Variants in GART observed in about 807,000 individuals in gnomAD.
GART encodes trifunctional purine biosynthetic protein adenosine-3.
A neutral mutation model predicts 107.2 loss-of-function variants in GART; 43 were observed. The observed-to-expected ratio is 0.40, with a 90% CI of 0.31 to 0.52. The LOEUF (loss-of-function observed/expected upper bound fraction) is 0.52, where lower values mean the gene tolerates loss of function less well. Ranked by LOEUF, GART falls within the 20% of genes least tolerant of loss-of-function variation. GART has a pLI of 0.52. For missense variants in GART, 1,107 were observed against 1,206.5 expected (o/e 0.92, Z 1.22); for synonymous variants, 434 against 427.0 (o/e 1.02, Z -0.20).
In GART at chr21:33,517,568, T is replaced by C. The variant is rs2084901467; in HGVS notation, c.1743A>G (p.Gly581=). 3 of 1,614,080 alleles carry C rather than the reference T, an allele frequency of 1.9e-6. No homozygotes were observed. The highest frequency in any genetic ancestry group is 1.7e-5 in the Admixed American group (1 of 59,996). The change falls in exon 15 of 22, where the codon GGA becomes GGG. Residue 581 remains glycine (G), a synonymous_variant. Coordinates refer to ENST00000381815, the MANE Select transcript of GART (RefSeq NM_000819.5). ...CGGCAAACCCAGCTAGGTCATACTC[T>C]CCAGGGGGATACATGTCAGGCATTT... The part of the protein sequence containing the change: ...TAEMPDMYPP[G]EYDLAGFAVG...
At chr21:33,517,178 TGAATA>T in intron 15 of GART, 37 bp from the exon 16 acceptor site, 1 of 1,579,910 alleles carries the variant, frequency 6.3e-7, no homozygotes, top group Non-Finnish European at 8.6e-7. Flanking sequence ...ACTTAGCCTA[TGAATA>T]GAAAACCAAA....
intron 2 of GART, among the ~76,000 whole-genome samples, chr21:33,537,894 G>A (rs978970761): frequency 6.6e-6 from 1 of 152,150 alleles, no homozygotes; most frequent in African/African-American, 2.4e-5. Context: ...TGAAGCCACT[G>A]ACAAGCTTAA....
chr21:33,530,955 A>G, intron 6 of GART, 71 bp from the exon 7 acceptor site: 1 of 1,394,028 alleles, frequency 7.2e-7, no homozygotes, highest in Non-Finnish European at 9.5e-7. Flanking sequence ...AGTGAGGCAA[A>G]CTATATGTCC....
intron 20 of GART, among the ~76,000 whole-genome samples, chr21:33,504,811 G>C (rs533272399): frequency 6.6e-6 from 1 of 152,162 alleles, no homozygotes; most frequent in Admixed American, 6.6e-5. Context: ...CCAGCTTGTT[G>C]CTGGCACGTA....
intron 4 of GART, among the ~76,000 whole-genome samples, chr21:33,533,178 G>A (rs910051439): frequency 3.3e-5 from 5 of 152,090 alleles, no homozygotes; most frequent in African/African-American, 4.8e-5. Context: ...GGTGGCTCAC[G>A]CCTGTAATCC....
chr21:33,530,405 A>T (rs777533933), intron 7 of GART, among the ~76,000 whole-genome samples: 1 of 152,142 alleles, frequency 6.6e-6, no homozygotes, highest in Non-Finnish European at 1.5e-5. Flanking sequence ...TATCACACAC[A>T]CACACAGATA....
chr21:33,531,141 C>A (rs2085180362), intron 6 of GART: 2 of 388,044 alleles, frequency 5.2e-6, no homozygotes, highest in Non-Finnish European at 8.9e-6. Flanking sequence ...AAGATTTCAA[C>A]CTTTCCCCCA....
At position 33,520,541 on chromosome 21, in the gene GART, G is replaced by A; in HGVS notation, c.1525C>T (p.His509Tyr). Reference protein sequence around the residue: ...KLKIAQLCNKHDTIGQDLVAM... With the variant: ...KLKIAQLCNKYDTIGQDLVAM... ...ACCAAATCTTGACCAATGGTATCAT[G>A]TTTATTGCATAGCTGGGCAATCTAT... is the stretch of plus-strand genomic sequence containing the variant. Residue 509 changes from histidine to tyrosine, a missense_variant, in exon 14 of 22, where the codon CAT (histidine) becomes TAT (tyrosine). Physicochemically the swap from His to Tyr is moderately conservative, Grantham distance 83. Coordinates refer to ENST00000381815, the MANE Select transcript of GART (RefSeq NM_000819.5). The A allele has an allele frequency of 1.2e-6, 2 of 1,614,072 alleles. No homozygotes were observed. Among genetic ancestry groups the A allele is most frequent in the Non-Finnish European group, 1.7e-6 (2 of 1,179,964 alleles).
At chr21:33,511,587 T>C (rs1330399953) in intron 16 of GART, 129 bp from the exon 17 acceptor site, 2 of 961,392 alleles carry the variant, frequency 2.1e-6, no homozygotes, top group Non-Finnish European at 3.1e-6. Flanking sequence ...AAACTATAAA[T>C]TGGCCTCTGA....
chr21:33,522,978 T>C (rs1601199540), intron 11 of GART, among the ~76,000 whole-genome samples: 1 of 152,224 alleles, frequency 6.6e-6, no homozygotes, highest in East Asian at 1.9e-4. Context: ...ATTTCAGTAA[T>C]ATATAACTGT....
chr21:33,535,895 G>A (rs943762616), intron 2 of GART, among the ~76,000 whole-genome samples: 7 of 152,050 alleles, frequency 4.6e-5, no homozygotes, highest in Admixed American at 1.3e-4. Context: ...GGGTGTGGGG[G>A]CATGCACCTG....
chr21:33,522,004 A>G (rs1267935531), intron 12 of GART, among the ~76,000 whole-genome samples, 184 bp downstream of exon 12: 1 of 152,036 alleles, frequency 6.6e-6, no homozygotes, highest in Non-Finnish European at 1.5e-5. Flanking sequence ...TGAGTTTAAC[A>G]TGACAGATGA....
intron 11 of GART, among the ~76,000 whole-genome samples, chr21:33,523,070 C>T (rs545995584): frequency 7.2e-4 from 109 of 152,300 alleles, no homozygotes; most frequent in African/African-American, 2.5e-3. Context: ...TCATTTCCTT[C>T]TGTATAGGAC....
At position 33,534,577 on chromosome 21, in the gene GART, A is replaced by G. The variant is rs758309598; in HGVS notation, c.416+2T>C. 3 of 1,613,902 alleles carry G rather than the reference A, an allele frequency of 1.9e-6. No homozygotes were observed. The highest frequency in any genetic ancestry group is 8.5e-7 in the Non-Finnish European group (1 of 1,179,924). On this transcript the variant is annotated splice_donor_variant, in intron 4 of 21. Transcript: ENST00000381815. LOFTEE classifies it high-confidence loss of function. ...GTCCTTCACAGACAACCATTTACCT[A>G]CCTCAAAATGAAGCTGCAGGCTTCT...
At chr21:33,540,224 A>T (rs1434540498) in intron 1 of GART, among the ~76,000 whole-genome samples, 1 of 152,352 alleles carries the variant, frequency 6.6e-6, no homozygotes, top group Non-Finnish European at 1.5e-5. Context: ...ATGGACCCAT[A>T]AACAGGCAGT....
chr21:33,535,953 G>C (rs1410582823), intron 2 of GART, among the ~76,000 whole-genome samples: 2 of 151,998 alleles, frequency 1.3e-5, no homozygotes, highest in Non-Finnish European at 2.9e-5. Flanking sequence ...GCTTGAACTG[G>C]GGAGGCGGAG....
chr21:33,533,047 A>T (rs148645511), intron 4 of GART, among the ~76,000 whole-genome samples: 4 of 152,344 alleles, frequency 2.6e-5, no homozygotes, highest in African/African-American at 9.6e-5. Flanking sequence ...CAGAAGTGCC[A>T]ACAAAAAAAG....
intron 17 of GART, among the ~76,000 whole-genome samples, 158 bp downstream of exon 17, chr21:33,511,094 G>A (rs905906796): frequency 1.3e-5 from 2 of 152,182 alleles, no homozygotes; most frequent in African/African-American, 2.4e-5. Context: ...ACGTGGTATC[G>A]CTGGGGTGGG....
At chr21:33,504,373 G>A (rs1446237957) in intron 21 of GART, 39 bp downstream of exon 21, 2 of 1,608,244 alleles carry the variant, frequency 1.2e-6, no homozygotes, top group Non-Finnish European at 8.5e-7. Flanking sequence ...ATTTACATCT[G>A]ACTACTAATA....
Sources: allele counts gnomAD v4.1 joint callset (sites outside exome capture counted in the v4.1 genomes callset), GRCh38; gene constraint gnomAD v4.1.1; transcripts MANE v1.5; gene names NCBI Gene and HGNC (gene_info 2026-07-23, HGNC 2026-07-21).